The following COL5A2 variants were observed in gnomAD, a reference collection of about 807,000 sequenced individuals.
The protein encoded by COL5A2 is collagen type V alpha 2 chain, also known as collagen alpha-2(V) chain.
COL5A2 carries 23 observed loss-of-function variants against 208.2 expected under a neutral mutation model. The observed-to-expected ratio is 0.11, with a 90% CI of 0.08 to 0.16. The LOEUF is 0.16. Ranked by LOEUF, COL5A2 falls within the 10% of genes least tolerant of loss-of-function variation. COL5A2 has a pLI of 1.00. For missense variants in COL5A2, 1,590 were observed against 1,956.4 expected (o/e 0.81, Z 3.53); for synonymous variants, 625 against 628.5 (o/e 0.99, Z 0.08).
the COL5A2 span, among the ~76,000 whole-genome samples, chr2:189,405,170 T>A: frequency 6.6e-6 from 1 of 152,192 alleles, no homozygotes; most frequent in Admixed American, 6.5e-5. Flanking sequence ...ATTAATTGAA[T>A]GAAAATAAAT....
intron 1 of COL5A2, among the ~76,000 whole-genome samples, chr2:189,114,826 C>G (rs1576536652): frequency 6.6e-6 from 1 of 151,808 alleles, no homozygotes; most frequent in African/African-American, 2.4e-5. Context: ...TGTAACAAAC[C>G]TGCACATCCT....
intron 11 of COL5A2, among the ~76,000 whole-genome samples, chr2:189,084,421 A>G (rs1686605837): frequency 6.6e-6 from 1 of 152,202 alleles, no homozygotes; most frequent in Non-Finnish European, 1.5e-5. Flanking sequence ...TTCTTAAAAT[A>G]CTACTTTCCA....
At chr2:189,330,893 A>G in the COL5A2 span, among the ~76,000 whole-genome samples, 1 of 152,350 alleles carries the variant, frequency 6.6e-6, no homozygotes, top group East Asian at 1.9e-4. Context: ...TTATACAATC[A>G]AAAATTATGA....
At chr2:189,437,306 C>T in the COL5A2 span, among the ~76,000 whole-genome samples, 1 of 152,130 alleles carries the variant, frequency 6.6e-6, no homozygotes, top group Non-Finnish European at 1.5e-5. Flanking sequence ...TAGTACTTCT[C>T]AAACTTAAAT....
chr2:189,424,168 T>A, the COL5A2 span, among the ~76,000 whole-genome samples: 1 of 152,114 alleles, frequency 6.6e-6, no homozygotes, highest in Non-Finnish European at 1.5e-5. Context: ...TAAAAAACTG[T>A]GAATAAATTA....
At chr2:189,231,462 C>G in the COL5A2 span, among the ~76,000 whole-genome samples, 2 of 151,680 alleles carry the variant, frequency 1.3e-5, no homozygotes, top group Non-Finnish European at 2.9e-5. Context: ...CTCATTCACA[C>G]CCGGTGCCTT....
chr2:189,358,720 C>T, the COL5A2 span, among the ~76,000 whole-genome samples: 1 of 152,160 alleles, frequency 6.6e-6, no homozygotes, highest in Admixed American at 6.5e-5. Flanking sequence ...TGATACTTTC[C>T]ATTTTATTGT....
the COL5A2 span, among the ~76,000 whole-genome samples, chr2:189,440,358 C>T: frequency 6.6e-6 from 1 of 152,200 alleles, no homozygotes; most frequent in African/African-American, 2.4e-5. Context: ...CTAGATGGTA[C>T]AGCCTACTAC....
At position 189,034,954 on chromosome 2, in the gene COL5A2, T is replaced by C; in HGVS notation, c.4315A>G (p.Ile1439Val). ...NDLDIKAEGNIRFRYIVLQDT... is the reference protein window; with the variant it reads ...NDLDIKAEGNVRFRYIVLQDT... Reference sequence around the variant, plus strand: ...TGAAGAACGATATACCGGAATCTAATATTTCCCTCTGCTTTGATATCTAAG... The same window carrying C: ...TGAAGAACGATATACCGGAATCTAACATTTCCCTCTGCTTTGATATCTAAG... The change falls in exon 53 of 54, where the codon ATT (isoleucine) becomes GTT (valine). Residue 1439 changes from isoleucine (I) to valine (V), a missense_variant. Transcript: ENST00000374866. 6.2e-7 allele frequency: 1 copy of C among 1,613,942 alleles called. No homozygotes were observed. Among genetic ancestry groups the C allele is most frequent in the Non-Finnish European group, 8.5e-7 (1 of 1,179,862 alleles).
the COL5A2 span, among the ~76,000 whole-genome samples, chr2:189,367,414 C>T: frequency 6.6e-6 from 1 of 152,190 alleles, no homozygotes; most frequent in Non-Finnish European, 1.5e-5. Flanking sequence ...ATATTGACTT[C>T]CATGTTTTAT....
At chr2:189,176,769 T>TCA (rs1018610508) in intron 1 of COL5A2, among the ~76,000 whole-genome samples, 3 of 151,948 alleles carry the variant, frequency 2.0e-5, no homozygotes, top group Non-Finnish European at 4.4e-5. Context: ...CCCTGATTTT[T>TCA]CACACACACA....
At chr2:189,342,017 C>A in the COL5A2 span, among the ~76,000 whole-genome samples, 1 of 152,048 alleles carries the variant, frequency 6.6e-6, no homozygotes, top group South Asian at 2.1e-4. Context: ...AAATAAGCAC[C>A]ATTTAAACAA....
At position 189,066,810 on chromosome 2, in the gene COL5A2, G is replaced by C. The variant is rs371977790; in HGVS notation, c.1402-28C>G. 1.3e-5 allele frequency: 20 copies of C among 1,577,588 alleles called. No homozygotes were observed. In the Admixed American group the frequency reaches 1.5e-4, roughly 12 times the overall value. ...GAAAAAAATATATTGATATTTGTAA[G>C]AACCAGGACATTTAGCTAGTCCAAT... On this transcript the variant is annotated intron_variant, in intron 21 of 53. Coordinates refer to ENST00000374866, the MANE Select transcript of COL5A2 (RefSeq NM_000393.5).
chr2:189,114,798 A>G (rs1194685385), intron 1 of COL5A2, among the ~76,000 whole-genome samples: 1 of 152,062 alleles, frequency 6.6e-6, no homozygotes, highest in Non-Finnish European at 1.5e-5. Context: ...GCAAACCACA[A>G]TGGCACACGT....
At chr2:189,414,310 A>T in the COL5A2 span, among the ~76,000 whole-genome samples, 1 of 152,128 alleles carries the variant, frequency 6.6e-6, no homozygotes, top group South Asian at 2.1e-4. Flanking sequence ...AAATATAAAC[A>T]TTTTCCTAAT....
chr2:189,155,214 C>G (rs543027464), intron 1 of COL5A2, among the ~76,000 whole-genome samples: 3 of 152,300 alleles, frequency 2.0e-5, no homozygotes, highest in African/African-American at 7.2e-5. Flanking sequence ...TCTCGAACTC[C>G]TGGACTCAAG....
intron 8 of COL5A2, 44 bp from the exon 9 acceptor site, chr2:189,086,814 A>G: frequency 6.8e-7 from 1 of 1,481,336 alleles, no homozygotes; most frequent in Non-Finnish European, 9.3e-7. Context: ...ACTCATGACA[A>G]TTAGGTCAAA....
chr2:189,058,921 G>A, intron 31 of COL5A2, 28 bp from the exon 32 acceptor site: 4 of 1,596,202 alleles, frequency 2.5e-6, no homozygotes, highest in Non-Finnish European at 3.4e-6. Context: ...TTTTTTAATG[G>A]AACAAGAGCT....
chr2:189,108,096 C>T (rs908099250), intron 2 of COL5A2, among the ~76,000 whole-genome samples: 1 of 151,570 alleles, frequency 6.6e-6, no homozygotes, highest in African/African-American at 2.4e-5. Flanking sequence ...CTTTCTTTTG[C>T]CTCCCCCTTT....
Sources: allele counts gnomAD v4.1 joint callset (sites outside exome capture counted in the v4.1 genomes callset), GRCh38; gene constraint gnomAD v4.1.1; transcripts MANE v1.5; gene names NCBI Gene and HGNC (gene_info 2026-07-23, HGNC 2026-07-21).